MYH10: variants seen among roughly 807,000 people sequenced by gnomAD.
The protein encoded by MYH10 is myosin-10.
In MYH10, 55 loss-of-function variants were observed where a neutral mutation model predicts 257.8. The observed-to-expected ratio is 0.21, with a 90% CI of 0.17 to 0.27. The LOEUF is 0.27. Ranked by LOEUF, MYH10 falls within the 10% of genes least tolerant of loss-of-function variation. The pLI, the probability that MYH10 is intolerant of heterozygous loss-of-function variation, is 1.00. For missense variants in MYH10, 1,631 were observed against 2,500.6 expected (o/e 0.65, Z 7.42); for synonymous variants, 854 against 921.7 (o/e 0.93, Z 1.33).
At chr17:8,487,281 G>A (rs763889411) in intron 36 of MYH10, 152 bp downstream of exon 36, 27 of 831,132 alleles carry the variant, frequency 3.2e-5, no homozygotes, top group African/African-American at 2.2e-4. Flanking sequence ...TGGACACAGC[G>A]GACACACAAG....
At chr17:8,585,866 A>C (rs2083899163) in intron 4 of MYH10, among the ~76,000 whole-genome samples, 1 of 152,238 alleles carries the variant, frequency 6.6e-6, no homozygotes. Context: ...ACTGGGCTTC[A>C]GTTAACACTA....
intron 4 of MYH10, among the ~76,000 whole-genome samples, chr17:8,579,204 A>G (rs1041481300): frequency 6.6e-6 from 1 of 151,996 alleles, no homozygotes; most frequent in Non-Finnish European, 1.5e-5. Flanking sequence ...TCTCGAGCCT[A>G]GGAAGTTGAG....
chr17:8,518,049 T>TGTGTGTGTGTGTGTGA (rs1358007659), intron 21 of MYH10, among the ~76,000 whole-genome samples: 1 of 125,948 alleles, frequency 7.9e-6, no homozygotes, highest in African/African-American at 2.9e-5. Flanking sequence ...TGTGTGTGTG[T>TGTGTGTGTGTGTGTGA]GAGAAGCATT....
rs541255427 is a variant in MYH10 at position 8,524,449 on chromosome 17, C to CA, written c.1958-3165dup. On this transcript the variant is annotated intron_variant, in intron 17 of 42. Coordinates refer to ENST00000360416, the MANE Select transcript of MYH10 (RefSeq NM_001256012.3). The stretch of plus-strand genomic sequence containing the variant: ...TGGGCAACAGAGCGAGACTCTGTCT[C>CA]AAAAAAAAAAAAAAAAAAAAAAAAA... Among the ~76,000 whole-genome samples the CA allele has an allele frequency of 1.4e-3, 86 of 62,156 alleles. 6 individuals are homozygous for CA. The highest frequency in any genetic ancestry group is 5.4e-3 in the African/African-American group (82 of 15,094). The allele number at this position is 62,156 out of a possible 152,430, so 40.8% of individuals were successfully genotyped here.
chr17:8,604,292 C>A lies in MYH10; in HGVS notation c.502+534G>T, dbSNP rs142522460. On this transcript the variant is annotated intron_variant, in intron 3 of 42. Coordinates refer to ENST00000360416, the MANE Select transcript of MYH10 (RefSeq NM_001256012.3). ...TTCCGGTCTTTTAAAAATGTCCCTCCATAAATCACTGTGTCTAAAGCCAGG... is the reference window on the plus strand; with the variant it reads ...TTCCGGTCTTTTAAAAATGTCCCTCAATAAATCACTGTGTCTAAAGCCAGG... Among the ~76,000 whole-genome samples the A allele has an allele frequency of 5.9e-5, 9 of 152,262 alleles. No individual in the cohort carries two copies. In the East Asian group the frequency reaches 1.7e-3, roughly 29 times the overall value.
chr17:8,489,073 T>C (rs185639263), intron 35 of MYH10, among the ~76,000 whole-genome samples: 101 of 152,122 alleles, frequency 6.6e-4, no homozygotes, highest in African/African-American at 2.4e-3. Context: ...CTTGCTTGCT[T>C]TCTTTTGGAT....
rs375229511 is a variant in MYH10 at position 8,622,893 on chromosome 17, A to T, written c.345+9T>A. On this transcript the variant is annotated intron_variant, in intron 2 of 42. Coordinates refer to ENST00000360416, the MANE Select transcript of MYH10 (RefSeq NM_001256012.3). ...CCACTTCACATGATTATTTGGAAGA[A>T]ATACTTACATAGATTAGTCCTGAAT... is the stretch of plus-strand genomic sequence containing the variant. The T allele has an allele frequency of 3.7e-6, 6 of 1,610,210 alleles. No homozygotes were observed. Among genetic ancestry groups the T allele is most frequent in the Non-Finnish European group, 3.4e-6 (4 of 1,178,724 alleles).
rs570125697 is a variant in MYH10 at position 8,535,848 on chromosome 17, C to A, written c.1689G>T (p.Leu563=). ...KATDKTFVEK[L]VQEQGSHSKF... ...TGGAGTGGGAACCTTGCTCTTGAAC[C>A]AGTTTTTCAACAAAGGTTTTATCTG... The change falls in exon 15 of 43, where the codon CTG becomes CTT. Residue 563 remains leucine (L), a synonymous_variant. Transcript: ENST00000360416. The surrounding 1 kb of genome is among the most constrained non-coding windows in gnomAD (Gnocchi z 4.3). 3.1e-6 allele frequency: 5 copies of A among 1,614,074 alleles called. No individual in the cohort carries two copies. In the Admixed American group the frequency reaches 6.7e-5, roughly 22 times the overall value.
chr17:8,479,032 T>A (rs1256059966), intron 40 of MYH10, among the ~76,000 whole-genome samples: 1 of 152,230 alleles, frequency 6.6e-6, no homozygotes, highest in Non-Finnish European at 1.5e-5. Context: ...GCACCCGGCC[T>A]GTACACAGTG....
At chr17:8,573,932 G>A in intron 6 of MYH10, 1 of 444,014 alleles carries the variant, frequency 2.3e-6, no homozygotes, top group Non-Finnish European at 3.0e-6. Flanking sequence ...GGAGAAACTG[G>A]AACTCTCACA....
In MYH10 at chr17:8,577,126, A is replaced by G; in HGVS notation, c.633+110T>C. 4.0e-6 allele frequency: 3 copies of G among 744,794 alleles called. No homozygotes were observed. In the South Asian group the frequency reaches 7.1e-5, roughly 18 times the overall value. 46.1% of individuals were successfully genotyped at this position (744,794 alleles called of 1,614,324 possible). ...TAGGTGGCGGGGAGCAGGTGGAGAC[A>G]AGGGAGCTGTCAGTTATAGCAGTGT... On this transcript the variant is annotated intron_variant, in intron 5 of 42. Transcript: ENST00000360416.
At chr17:8,531,934 G>C (rs943506243) in intron 16 of MYH10, among the ~76,000 whole-genome samples, 4 of 152,100 alleles carry the variant, frequency 2.6e-5, no homozygotes, top group Non-Finnish European at 5.9e-5. Flanking sequence ...CTCCACCTTA[G>C]AACCCTCTTT....
chr17:8,499,324 G>A lies in MYH10; in HGVS notation c.3897C>T (p.Val1299=). The A allele has an allele frequency of 6.2e-7, 1 of 1,614,080 alleles. No individual in the cohort carries two copies. The highest frequency in any genetic ancestry group is 8.5e-7 in the Non-Finnish European group (1 of 1,180,016). ...DAQVQELHAK[V]SEGDRLRVEL... is the part of the protein sequence containing the mutation. ...CCACCCTGAGCCTGTCGCCTTCAGAGACCTTGGCATGGAGCTCCTGGACCT... is the reference window on the plus strand; with the variant it reads ...CCACCCTGAGCCTGTCGCCTTCAGAAACCTTGGCATGGAGCTCCTGGACCT... Residue 1299 remains valine (V), a synonymous_variant, in exon 30 of 43, where the codon GTC becomes GTT. Coordinates refer to ENST00000360416, the MANE Select transcript of MYH10 (RefSeq NM_001256012.3).
intron 9 of MYH10, 37 bp from the exon 10 acceptor site, chr17:8,548,824 A>C: frequency 6.4e-7 from 1 of 1,553,582 alleles, no homozygotes; most frequent in Non-Finnish European, 8.9e-7. Context: ...TTTGATAAAT[A>C]CTCATGAAGA....
intron 1 of MYH10, among the ~76,000 whole-genome samples, chr17:8,627,157 C>A (rs533714468): frequency 6.6e-6 from 1 of 151,722 alleles, no homozygotes; most frequent in Non-Finnish European, 1.5e-5. Context: ...TTAAACGGAA[C>A]AAATATTCAT....
chr17:8,525,570 C>T (rs142629205), intron 17 of MYH10, among the ~76,000 whole-genome samples: 10 of 152,314 alleles, frequency 6.6e-5, no homozygotes, highest in African/African-American at 2.2e-4. Context: ...AGGAAGAGCA[C>T]CATGTTACTC....
chr17:8,530,134 C>CT (rs2081968465), intron 17 of MYH10, among the ~76,000 whole-genome samples: 1 of 152,102 alleles, frequency 6.6e-6, no homozygotes, highest in Admixed American at 6.6e-5. Context: ...ACCAACACAC[C>CT]TGAGGTAGCT....
At chr17:8,493,157 T>C (rs1916041934) in intron 32 of MYH10, 133 bp from the exon 33 acceptor site, 4 of 986,376 alleles carry the variant, frequency 4.1e-6, no homozygotes, top group Non-Finnish European at 5.9e-6. Flanking sequence ...GTCAGGAGTT[T>C]GAGACCAGCC....
rs560967442 is a variant in MYH10 at position 8,526,198 on chromosome 17, T to G, written c.1957+4425A>C. Among the ~76,000 whole-genome samples, 78 of 152,318 alleles carry G rather than the reference T, an allele frequency of 5.1e-4. 1 individual carries two copies. The highest frequency in any genetic ancestry group is 1.7e-3 in the African/African-American group (71 of 41,568). ...ATTCATTAAATGATTTGAGCCACAC[T>G]AATAATGTATGATTTCACTCAATAA... On this transcript the variant is annotated intron_variant, in intron 17 of 42. Transcript: ENST00000360416.
Sources: allele counts gnomAD v4.1 joint callset (sites outside exome capture counted in the v4.1 genomes callset), GRCh38; gene constraint gnomAD v4.1.1; non-coding constraint Gnocchi (gnomAD v3.1); transcripts MANE v1.5; gene names NCBI Gene and HGNC (gene_info 2026-07-23, HGNC 2026-07-21).